The following CFAP54 variants were observed in gnomAD, a reference collection of about 807,000 sequenced individuals.
CFAP54 encodes the protein cilia and flagella associated protein 54.
Under a neutral mutation model 370.4 loss-of-function variants are expected in CFAP54, and 290 were observed. That is an observed-to-expected ratio of 0.78 (90% CI 0.71 to 0.86). The LOEUF is 0.86. Among genes scored for constraint, CFAP54 ranks in the 40% least tolerant of loss-of-function variants. CFAP54 has a pLI of 0.00. For synonymous variants in CFAP54, 1,206 were observed against 1,236.5 expected (o/e 0.98, Z 0.52); for missense variants, 3,399 against 3,528.7 (o/e 0.96, Z 0.93).
chr12:96,726,796 T>C (rs1169785141), intron 50 of CFAP54, among the ~76,000 whole-genome samples: 1 of 152,102 alleles, frequency 6.6e-6, no homozygotes, highest in Non-Finnish European at 1.5e-5. Flanking sequence ...CTTTCCTGCT[T>C]TCTCTTGTGG....
rs544921101 is a variant in CFAP54 at position 96,849,854 on chromosome 12, G to A, written c.9172-10965G>A. ...TTTCTTTCAAATAGCTCCTTCAAGTGTAACCTAGTTGAACTAACTAATTCA... is the reference window on the plus strand; with the variant it reads ...TTTCTTTCAAATAGCTCCTTCAAGTATAACCTAGTTGAACTAACTAATTCA... On this transcript the variant is annotated intron_variant, in intron 66 of 67. Transcript: ENST00000524981. 2.0e-5 allele frequency among the ~76,000 whole-genome samples: 3 copies of A among 152,134 alleles called. No individual in the cohort carries two copies. The East Asian group carries it at 5.8e-4, about 29-fold the overall frequency.
At chr12:96,624,551 G>T (rs1260209538) in intron 28 of CFAP54, among the ~76,000 whole-genome samples, 1 of 152,170 alleles carries the variant, frequency 6.6e-6, no homozygotes, top group African/African-American at 2.4e-5. Flanking sequence ...CAGCCTGGAA[G>T]GTTACTTGGG....
In CFAP54 at chr12:96,708,275, C is replaced by T. The variant is rs1030772351; in HGVS notation, c.6529-333C>T. On this transcript the variant is annotated intron_variant, in intron 47 of 67. Coordinates refer to ENST00000524981, the MANE Select transcript of CFAP54 (RefSeq NM_001306084.2). The stretch of plus-strand genomic sequence containing the variant: ...TTTACTTACACTAAAGCAGAGTAGC[C>T]GATGTGTGTGTCTAATGAGCTTTCA... Among the ~76,000 whole-genome samples, 8 of 152,006 alleles carry T rather than the reference C, an allele frequency of 5.3e-5. No individual in the cohort carries two copies. The South Asian group carries it at 6.2e-4, about 12-fold the overall frequency.
chr12:96,636,814 T>C (rs815907), intron 32 of CFAP54, among the ~76,000 whole-genome samples: 145,884 of 152,308 alleles, frequency 0.96, 69,900 homozygotes, highest in East Asian at 1. Flanking sequence ...ATTAGCTGGG[T>C]GTGGCGGCAC....
rs1958031770 is a variant in CFAP54 at position 96,739,979 on chromosome 12, T to C, written c.6989T>C (p.Leu2330Pro). The C allele has an allele frequency of 6.3e-7, 1 of 1,588,696 alleles. No individual in the cohort carries two copies. The highest frequency in any genetic ancestry group is 8.6e-7 in the Non-Finnish European group (1 of 1,160,010). The stretch of plus-strand genomic sequence containing the variant: ...AGTGCTGCAATAGTATTTTCTACAC[T>C]TACACTTCTCCAGGATTCAAAACTT... The part of the protein sequence containing the change: ...AYSAAIVFST[L>P]TLLQDSKLFE... Residue 2330 changes from leucine to proline, a missense_variant, in exon 51 of 68, where the codon CTT (leucine) becomes CCT (proline). Physicochemically the swap from Leu to Pro is moderately conservative, Grantham distance 98 (BLOSUM62 -3). Transcript: ENST00000524981.
chr12:96,664,740 T>G (rs1342780378), intron 39 of CFAP54, among the ~76,000 whole-genome samples: 14 of 22,688 alleles, frequency 6.2e-4, no homozygotes, highest in African/African-American at 2.4e-3. Context: ...TATATATATC[T>G]ATATATATAT....
chr12:96,850,466 G>A (rs542184133), intron 66 of CFAP54, among the ~76,000 whole-genome samples: 2 of 152,204 alleles, frequency 1.3e-5, no homozygotes, highest in South Asian at 2.1e-4. Context: ...CAGACATCGC[G>A]GGAGGGAACT....
At chr12:96,664,694 T>G (rs1957042420) in intron 39 of CFAP54, among the ~76,000 whole-genome samples, 1 of 15,264 alleles carries the variant, frequency 6.6e-5, no homozygotes, top group African/African-American at 4.1e-4. Flanking sequence ...TTTGGGTATA[T>G]ATCTATATAT....
At chr12:96,716,506 G>A (rs1278378467) in intron 48 of CFAP54, among the ~76,000 whole-genome samples, 1 of 152,170 alleles carries the variant, frequency 6.6e-6, no homozygotes, top group Non-Finnish European at 1.5e-5. Context: ...TTTCCCATTT[G>A]AGTTTCCTCT....
chr12:96,749,480 G>C (rs1262854724), intron 55 of CFAP54, among the ~76,000 whole-genome samples: 1 of 152,214 alleles, frequency 6.6e-6, no homozygotes, highest in Non-Finnish European at 1.5e-5. Flanking sequence ...TTGTTAAGAA[G>C]ATGTTAAATG....
At chr12:96,745,058 A>C (rs1327888519) in intron 55 of CFAP54, among the ~76,000 whole-genome samples, 1 of 152,160 alleles carries the variant, frequency 6.6e-6, no homozygotes, top group Non-Finnish European at 1.5e-5. Flanking sequence ...CATGGTGTAT[A>C]TGTACCACAT....
At chr12:96,660,731 C>T (rs1041056447) in intron 38 of CFAP54, among the ~76,000 whole-genome samples, 8 of 152,166 alleles carry the variant, frequency 5.3e-5, no homozygotes, top group Middle Eastern at 3.2e-3. Flanking sequence ...ATACAATCTA[C>T]GTGGAGATAG....
intron 55 of CFAP54, among the ~76,000 whole-genome samples, chr12:96,750,917 A>C (rs188104579): frequency 1.3e-5 from 2 of 152,210 alleles, no homozygotes; most frequent in South Asian, 4.1e-4. Flanking sequence ...TGGAAAAAGG[A>C]GCACTTAAAT....
rs17025572 is a variant in CFAP54, at chr12:96,580,973, A to G, written c.2943A>G (p.Glu981=). 97,337 of 1,532,770 alleles carry G rather than the reference A, an allele frequency of 0.064. 4,558 individuals are homozygous for G. The highest frequency in any genetic ancestry group is 0.22 in the South Asian group (18,490 of 83,648). 94.9% of individuals were successfully genotyped at this position (1,532,770 alleles called of 1,614,324 possible). ...VFEVKGLETN[E]KYVFAVAAYS... is the part of the protein sequence containing the mutation. ...AAGTGAAAGGTTTAGAAACCAATGA[A>G]AAGTATGTATTTGCAGTTGCTGCCT... The change falls in exon 22 of 68, where the codon GAA becomes GAG. Residue 981 remains glutamate (E), a synonymous_variant. Transcript: ENST00000524981.
intron 60 of CFAP54, among the ~76,000 whole-genome samples, chr12:96,776,459 A>G (rs1352050814): frequency 6.6e-6 from 1 of 152,214 alleles, no homozygotes; most frequent in African/African-American, 2.4e-5. Flanking sequence ...CATATTACAG[A>G]TCTCATTAAT....
Position 96,489,704 on chromosome 12 carries a change from C to T in CFAP54, c.95C>T (p.Ser32Leu), listed in dbSNP as rs1419610442. Residue 32 changes from serine to leucine, a missense_variant, in exon 1 of 68, where the codon TCG (serine) becomes TTG (leucine). Ser to Leu is a moderately radical substitution (Grantham distance 145). Coordinates refer to ENST00000524981, the MANE Select transcript of CFAP54 (RefSeq NM_001306084.2). ...PELPPTSTAT[S>L]RSPPESKGSS... Reference sequence around the variant, plus strand: ...CTGCCGCCGACCTCCACCGCGACTTCGAGGTCGCCCCCAGAGTCGAAGGGG... The same window carrying T: ...CTGCCGCCGACCTCCACCGCGACTTTGAGGTCGCCCCCAGAGTCGAAGGGG... 2.6e-6 allele frequency: 4 copies of T among 1,535,930 alleles called. No individual in the cohort carries two copies. Among genetic ancestry groups the T allele is most frequent in the South Asian group, 1.2e-5 (1 of 84,064 alleles).
chr12:96,864,454 A>G (rs768923054), intron 67 of CFAP54, among the ~76,000 whole-genome samples: 3 of 152,188 alleles, frequency 2.0e-5, no homozygotes, highest in Non-Finnish European at 2.9e-5. Flanking sequence ...CACTTCACGC[A>G]TAGGCACTTT....
At chr12:96,536,752 G>A (rs565194370) in intron 12 of CFAP54, among the ~76,000 whole-genome samples, 2 of 150,992 alleles carry the variant, frequency 1.3e-5, no homozygotes, top group African/African-American at 2.4e-5. Context: ...TCAGCCTTCC[G>A]AGTAGCTGGG....
At chr12:96,724,703 G>T (rs1957807850) in intron 50 of CFAP54, among the ~76,000 whole-genome samples, 1 of 152,058 alleles carries the variant, frequency 6.6e-6, no homozygotes, top group Non-Finnish European at 1.5e-5. Context: ...GTCAATTTTG[G>T]CTTTTGTTGC....
Sources: gnomAD v4.1 joint callset for allele counts (sites outside exome capture counted in the v4.1 genomes callset) on GRCh38, gnomAD v4.1.1 for gene constraint, MANE v1.5 for transcripts, NCBI Gene and HGNC (gene_info 2026-07-23, HGNC 2026-07-21) for gene names.